BOC: variants seen among roughly 807,000 people sequenced by gnomAD.
BOC encodes brother of CDO.
Under a neutral mutation model 112.0 loss-of-function variants are expected in BOC, and 76 were observed. The ratio of observed to expected loss-of-function variants is 0.68; its 90% CI spans 0.56 to 0.82. The LOEUF is 0.82. BOC is among the 40% of genes least tolerant of loss of function. The pLI is 0.00. For missense variants in BOC, 1,309 were observed against 1,511.7 expected, an observed-to-expected ratio of 0.87 and a Z score of 2.22; for synonymous variants, 580 against 599.8, an observed-to-expected ratio of 0.97 and a Z score of 0.48.
At chr3:113,260,667 T>C (rs199502143) in intron 4 of BOC, among the ~76,000 whole-genome samples, 33 of 126,408 alleles carry the variant, frequency 2.6e-4, no homozygotes, top group East Asian at 7.4e-4. Flanking sequence ...TAGAATAGAA[T>C]AGAACAGAAC....
chr3:113,285,283 C>A, intron 18 of BOC, 89 bp from the exon 19 acceptor site: 1 of 1,354,256 alleles, frequency 7.4e-7, no homozygotes, highest in Non-Finnish European at 1.0e-6. Context: ...GCTCTGATGC[C>A]CTCAGACAGG....
chr3:113,283,767 C>A, intron 16 of BOC, 135 bp downstream of exon 16: 1 of 793,484 alleles, frequency 1.3e-6, no homozygotes, highest in Non-Finnish European at 2.0e-6. Flanking sequence ...TCAGAGAACA[C>A]CCAACGACTG....
At chr3:113,243,302 AT>A (rs1157287143) in intron 2 of BOC, among the ~76,000 whole-genome samples, 1 of 152,206 alleles carries the variant, frequency 6.6e-6, no homozygotes, top group African/African-American at 2.4e-5. Context: ...AACAATGATA[AT>A]GGAATCACTT....
intron 2 of BOC, among the ~76,000 whole-genome samples, chr3:113,228,670 T>A (rs1942084137): frequency 6.6e-6 from 1 of 152,158 alleles, no homozygotes; most frequent in Non-Finnish European, 1.5e-5. Flanking sequence ...TGGGGTCCAC[T>A]TCCTGTCTCT....
intron 2 of BOC, among the ~76,000 whole-genome samples, chr3:113,228,553 G>A (rs1023050063): frequency 6.6e-6 from 1 of 152,160 alleles, no homozygotes; most frequent in Non-Finnish European, 1.5e-5. Context: ...CCTGCAAGCT[G>A]CCTGCACTAC....
chr3:113,236,613 A>G (rs1295829616), intron 2 of BOC, among the ~76,000 whole-genome samples: 2 of 152,046 alleles, frequency 1.3e-5, no homozygotes, highest in African/African-American at 4.8e-5. Context: ...GTATCCATGT[A>G]ACAACACTTC....
chr3:113,252,370 A>T (rs148043968), intron 4 of BOC, among the ~76,000 whole-genome samples: 1 of 152,108 alleles, frequency 6.6e-6, no homozygotes, highest in Non-Finnish European at 1.5e-5. Flanking sequence ...CATCATCATC[A>T]TCATCACCCT....
intron 2 of BOC, among the ~76,000 whole-genome samples, chr3:113,233,148 G>GGGGGGGGTGT (rs75678874): frequency 8.1e-6 from 1 of 123,960 alleles, no homozygotes; most frequent in African/African-American, 3.1e-5. Flanking sequence ...AAAGGATTGG[G>GGGGGGGGTGT]GTGTGTGTGT....
intron 5 of BOC, among the ~76,000 whole-genome samples, chr3:113,269,081 G>A (rs1300838450): frequency 1.3e-5 from 2 of 152,184 alleles, no homozygotes; most frequent in Non-Finnish European, 2.9e-5. Flanking sequence ...GAAGCTCTGT[G>A]CCTCCAGGCA....
intron 2 of BOC, among the ~76,000 whole-genome samples, chr3:113,227,414 G>A (rs1386035930): frequency 1.3e-5 from 2 of 152,216 alleles, no homozygotes; most frequent in Non-Finnish European, 2.9e-5. Context: ...GGATAGGGAA[G>A]CCCCAGAAAG....
chr3:113,272,559 G>C lies in BOC; in HGVS notation c.817G>C (p.Gly273Arg). The change falls in exon 7 of 20, where the codon GGC becomes CGC. Residue 273 changes from glycine to arginine, a missense_variant. Gly to Arg is a moderately radical substitution (Grantham distance 125, BLOSUM62 -2). Coordinates refer to ENST00000682979, the MANE Select transcript of BOC (RefSeq NM_001378074.1). ...TWAKDGSSVT[G>R]YNKTRFLLSN... Reference sequence around the variant, plus strand: ...GGCCAAGGATGGGTCCAGTGTCACCGGCTACAACAAGACGCGCTTCCTGCT... The same window carrying C: ...GGCCAAGGATGGGTCCAGTGTCACCCGCTACAACAAGACGCGCTTCCTGCT... 1 of 1,613,998 alleles carries C rather than the reference G, an allele frequency of 6.2e-7. No individual in the cohort carries two copies. The highest frequency in any genetic ancestry group is 8.5e-7 in the Non-Finnish European group (1 of 1,179,980).
chr3:113,267,059 A>T (rs1233777428), intron 4 of BOC, among the ~76,000 whole-genome samples: 3 of 152,188 alleles, frequency 2.0e-5, no homozygotes, highest in African/African-American at 7.2e-5. Flanking sequence ...GTCAGTCCCA[A>T]TGCTGTCAGT....
chr3:113,251,209 T>C, intron 4 of BOC: 1 of 437,342 alleles, frequency 2.3e-6, no homozygotes, highest in Non-Finnish European at 4.1e-6. Flanking sequence ...CACCTTCCAG[T>C]CCCCTCCCTC....
intron 2 of BOC, among the ~76,000 whole-genome samples, chr3:113,217,670 G>A (rs1392513649): frequency 6.6e-6 from 1 of 152,202 alleles, no homozygotes; most frequent in Non-Finnish European, 1.5e-5. Flanking sequence ...CCTTGTATGT[G>A]TTGTTCATTA....
chr3:113,266,788 G>T (rs1359575345), intron 4 of BOC, among the ~76,000 whole-genome samples: 1 of 152,210 alleles, frequency 6.6e-6, no homozygotes, highest in Non-Finnish European at 1.5e-5. Context: ...TGTAATCAAA[G>T]GGACATCAAT....
intron 4 of BOC, among the ~76,000 whole-genome samples, chr3:113,255,859 A>G (rs866668399): frequency 3.7e-4 from 57 of 152,224 alleles, no homozygotes; most frequent in Middle Eastern, 3.2e-3. Flanking sequence ...AATTTAACCC[A>G]TGAATAAAAT....
chr3:113,226,882 A>G (rs778867757), intron 2 of BOC, among the ~76,000 whole-genome samples: 1 of 152,224 alleles, frequency 6.6e-6, no homozygotes, highest in Non-Finnish European at 1.5e-5. Context: ...GTCAATTGCC[A>G]TAGGGGCCTG....
chr3:113,283,557 G>T lies in BOC; in HGVS notation c.2581G>T (p.Val861Phe). The change falls in exon 16 of 20, where the codon GTC (valine) becomes TTC (phenylalanine). Residue 861 changes from valine (V) to phenylalanine (F), a missense_variant. Physicochemically the swap from Val to Phe is conservative, Grantham distance 50. Coordinates refer to ENST00000682979, the MANE Select transcript of BOC (RefSeq NM_001378074.1). Reference sequence around the variant, plus strand: ...CGACCTGCCCTATCTGATTGTCGGGGTCGTCCTGGGCTCCATCGTTCTCAT... The same window carrying T: ...CGACCTGCCCTATCTGATTGTCGGGTTCGTCCTGGGCTCCATCGTTCTCAT... ...SSDLPYLIVGVVLGSIVLIIV... is the reference protein window; with the variant it reads ...SSDLPYLIVGFVLGSIVLIIV... 1.2e-6 allele frequency: 2 copies of T among 1,613,914 alleles called. No homozygotes were observed. The highest frequency in any genetic ancestry group is 1.7e-6 in the Non-Finnish European group (2 of 1,179,998).
Position 113,284,813 on chromosome 3 carries a change from C to T in BOC, c.2921C>T (p.Thr974Ile), listed in dbSNP as rs745363029. The T allele has an allele frequency of 4.1e-5, 66 of 1,614,098 alleles. No individual in the cohort carries two copies. The highest frequency in any genetic ancestry group is 3.8e-4 in the South Asian group (35 of 91,094). Residue 974 changes from threonine (T) to isoleucine (I), a missense_variant, in exon 18 of 20, where the codon ACC becomes ATC. Thr to Ile is a moderately conservative substitution (Grantham distance 89). Transcript: ENST00000682979. ...GACACCAGCAGCCTGCTGAGGCAGA[C>T]CCATCTTGGCAATGGATATGACCCC... Reference protein sequence around the residue: ...QSDTSSLLRQTHLGNGYDPQS... With the variant: ...QSDTSSLLRQIHLGNGYDPQS...
Sources: gnomAD v4.1 joint callset for allele counts (sites outside exome capture counted in the v4.1 genomes callset) on GRCh38, gnomAD v4.1.1 for gene constraint, MANE v1.5 for transcripts, NCBI Gene and HGNC (gene_info 2026-07-23, HGNC 2026-07-21) for gene names.